The following KNTC1 variants were observed in gnomAD, a reference collection of about 807,000 sequenced individuals.
KNTC1 encodes the protein kinetochore-associated protein 1.
A neutral mutation model predicts 314.4 loss-of-function variants in KNTC1; 253 were observed. That is an observed-to-expected ratio of 0.80 (90% CI 0.73 to 0.89). KNTC1 has a LOEUF of 0.89. Ranked by LOEUF, KNTC1 falls within the 40% of genes least tolerant of loss-of-function variation. The pLI is 0.00. For synonymous variants in KNTC1, 901 were observed against 901.4 expected (o/e 1.00, Z 0.01); for missense variants, 2,475 against 2,572.9 (o/e 0.96, Z 0.82).
chr12:122,624,739 C>T (rs1874833451), intron 63 of KNTC1, 51 bp downstream of exon 63: 3 of 1,291,048 alleles, frequency 2.3e-6, no homozygotes, highest in Non-Finnish European at 3.4e-6. Flanking sequence ...GTTTATATTC[C>T]TAGGGCCTTA....
At chr12:122,616,229 C>T (rs899000402) in intron 57 of KNTC1, among the ~76,000 whole-genome samples, 3 of 151,756 alleles carry the variant, frequency 2.0e-5, no homozygotes, top group African/African-American at 4.8e-5. Context: ...CCTAAGGGAA[C>T]GACTGCTTAC....
intron 44 of KNTC1, among the ~76,000 whole-genome samples, chr12:122,601,065 T>C (rs917939085): frequency 9.2e-5 from 14 of 152,130 alleles, no homozygotes; most frequent in African/African-American, 3.1e-4. Flanking sequence ...GAGAAAATTG[T>C]AGCTCTTTAT....
chr12:122,572,917 C>CT lies in KNTC1; in HGVS notation c.2020-17dup, dbSNP rs772382151. The stretch of plus-strand genomic sequence containing the variant: ...TACTTTTATTTTATATCGTTAACAA[C>CT]TTTAACACTTTTGTTTTAGAAAGAT... On this transcript the variant is annotated intron_variant, in intron 24 of 63. Transcript: ENST00000333479. 6.7e-7 allele frequency: 1 copy of CT among 1,488,692 alleles called. No homozygotes were observed. Among genetic ancestry groups the CT allele is most frequent in the Non-Finnish European group, 9.2e-7 (1 of 1,090,910 alleles). 92.2% of individuals were successfully genotyped at this position (1,488,692 alleles called of 1,614,324 possible).
chr12:122,622,066 C>G, intron 61 of KNTC1, 96 bp downstream of exon 61: 2 of 848,580 alleles, frequency 2.4e-6, no homozygotes. Context: ...ACTGCTATGT[C>G]TAGCTGTTTG....
chr12:122,575,258 C>T (rs1037158169), intron 27 of KNTC1, among the ~76,000 whole-genome samples: 14 of 151,878 alleles, frequency 9.2e-5, no homozygotes, highest in Non-Finnish European at 4.4e-5. Context: ...CATGACCCTG[C>T]CTCAAAAAAA....
chr12:122,527,786 T>C (rs74979707), intron 1 of KNTC1: 11,886 of 152,422 alleles, frequency 0.078, 617 homozygotes, highest in South Asian at 0.17. Flanking sequence ...CTTTGCACTC[T>C]GTTCCCTCTG....
intron 13 of KNTC1, 75 bp from the exon 14 acceptor site, chr12:122,551,244 C>T (rs1254348505): frequency 3.2e-6 from 3 of 950,032 alleles, no homozygotes; most frequent in African/African-American, 3.3e-5. Context: ...ATGCCTGAAC[C>T]AGTAGTTACT....
chr12:122,609,123 T>A, intron 51 of KNTC1: 1 of 404,840 alleles, frequency 2.5e-6, no homozygotes, highest in Non-Finnish European at 4.3e-6. Context: ...CAGGAACATT[T>A]GCTTTATTTA....
chr12:122,562,747 C>A, intron 20 of KNTC1, 48 bp downstream of exon 20: 1 of 1,102,668 alleles, frequency 9.1e-7, no homozygotes, highest in Non-Finnish European at 1.4e-6. Context: ...TGGTGTCTCA[C>A]GCCTGTAATC....
chr12:122,582,878 G>T lies in KNTC1; in HGVS notation c.3156G>T (p.Leu1052=). 1 of 1,612,380 alleles carries T rather than the reference G, an allele frequency of 6.2e-7. No individual in the cohort carries two copies. Among genetic ancestry groups the T allele is most frequent in the Non-Finnish European group, 8.5e-7 (1 of 1,179,216 alleles). ...EVRSPSMESK[L]HRQALALQMS... is the part of the protein sequence containing the mutation. ...GGAGCCCAAGCATGGAATCAAAGCT[G>T]CACAGACAGGCACTGGCCCTGCAGA... The change falls in exon 34 of 64, where the codon CTG becomes CTT. Residue 1052 remains leucine, a synonymous_variant. Transcript: ENST00000333479.
intron 35 of KNTC1, 90 bp from the exon 36 acceptor site, chr12:122,584,803 G>C: frequency 1.4e-6 from 1 of 720,628 alleles, no homozygotes; most frequent in African/African-American, 1.8e-5. Context: ...GCCTTCCTTA[G>C]AATTTTAAAT....
intron 32 of KNTC1, 38 bp downstream of exon 32, chr12:122,580,015 C>T (rs1407857906): frequency 7.4e-7 from 1 of 1,354,174 alleles, no homozygotes; most frequent in Non-Finnish European, 1.1e-6. Flanking sequence ...CAGTTTTGTT[C>T]CAAAGCTCAC....
At chr12:122,614,245 A>G (rs997498643) in intron 55 of KNTC1, among the ~76,000 whole-genome samples, 2 of 152,190 alleles carry the variant, frequency 1.3e-5, no homozygotes, top group African/African-American at 4.8e-5. Flanking sequence ...CTTTTGCCTT[A>G]AAGTCCACCA....
At chr12:122,541,845 C>G (rs1471348786) in intron 5 of KNTC1, among the ~76,000 whole-genome samples, 1 of 151,334 alleles carries the variant, frequency 6.6e-6, no homozygotes, top group Non-Finnish European at 1.5e-5. Flanking sequence ...ATGGTGAAAC[C>G]CTGTCTCTAC....
At chr12:122,598,121 A>C (rs1314562907) in intron 44 of KNTC1, among the ~76,000 whole-genome samples, 183 bp downstream of exon 44, 1 of 152,222 alleles carries the variant, frequency 6.6e-6, no homozygotes, top group Non-Finnish European at 1.5e-5. Context: ...TTCAAAATAG[A>C]AATAGCTTTT....
At chr12:122,596,884 G>C (rs903450331) in intron 43 of KNTC1, among the ~76,000 whole-genome samples, 1 of 151,782 alleles carries the variant, frequency 6.6e-6, no homozygotes, top group Non-Finnish European at 1.5e-5. Context: ...GTTGATCCTT[G>C]GTATTGTTTT....
chr12:122,617,384 C>CT (rs1436567495), intron 57 of KNTC1: 27 of 448,832 alleles, frequency 6.0e-5, no homozygotes, highest in Admixed American at 1.4e-4. Context: ...TTTCTTTCCT[C>CT]TTTTTTTTCT....
chr12:122,623,595 CAT>C (rs892769494), intron 62 of KNTC1, among the ~76,000 whole-genome samples: 1 of 152,150 alleles, frequency 6.6e-6, no homozygotes, highest in Non-Finnish European at 1.5e-5. Flanking sequence ...TAAATTTTGA[CAT>C]ATGTATACCT....
chr12:122,613,831 AAC>A, intron 55 of KNTC1, 70 bp downstream of exon 55: 1 of 1,455,448 alleles, frequency 6.9e-7, no homozygotes, highest in Non-Finnish European at 9.1e-7. Flanking sequence ...GAAAACCAGG[AAC>A]AGTCTTTTTG....
Sources: allele counts gnomAD v4.1 joint callset (sites outside exome capture counted in the v4.1 genomes callset), GRCh38; gene constraint gnomAD v4.1.1; transcripts MANE v1.5; gene names NCBI Gene and HGNC (gene_info 2026-07-23, HGNC 2026-07-21).